The following MYO1D variants were observed in gnomAD, a reference collection of about 807,000 sequenced individuals.
The protein encoded by MYO1D is unconventional myosin-Id.
A neutral mutation model predicts 122.0 loss-of-function variants in MYO1D; 83 were observed. That is an observed-to-expected ratio of 0.68 (90% CI 0.57 to 0.82). MYO1D has a LOEUF of 0.82. MYO1D is among the 40% of genes least tolerant of loss of function. The probability of loss-of-function intolerance (pLI) is 0.00; values close to 1 mark genes in which losing one functional copy is unlikely to be tolerated. For missense variants in MYO1D, 1,157 were observed against 1,269.5 expected (o/e 0.91, Z 1.35); for synonymous variants, 464 against 446.9 (o/e 1.04, Z -0.48).
At chr17:32,582,835 A>G (rs2087354389) in intron 21 of MYO1D, among the ~76,000 whole-genome samples, 1 of 152,140 alleles carries the variant, frequency 6.6e-6, no homozygotes, top group Non-Finnish European at 1.5e-5. Flanking sequence ...TTAGGGCCAT[A>G]TATATTTAGG....
chr17:32,631,635 A>T (rs1330978796), intron 20 of MYO1D, among the ~76,000 whole-genome samples: 2 of 152,090 alleles, frequency 1.3e-5, no homozygotes, highest in Admixed American at 1.3e-4. Context: ...CAACAGAGCG[A>T]GAACCCGTCT....
intron 1 of MYO1D, among the ~76,000 whole-genome samples, chr17:32,822,313 G>C (rs993030895): frequency 4.2e-5 from 6 of 143,804 alleles, no homozygotes; most frequent in Non-Finnish European, 4.5e-5. Context: ...TCATAGGTGG[G>C]AATTGAACAA....
intron 20 of MYO1D, among the ~76,000 whole-genome samples, chr17:32,618,641 T>TC (rs982853547): frequency 1.9e-4 from 29 of 149,550 alleles, no homozygotes; most frequent in African/African-American, 6.8e-4. Context: ...AATTAATTCT[T>TC]TTTTTTTTTT....
chr17:32,790,569 C>T (rs763848648), intron 1 of MYO1D, among the ~76,000 whole-genome samples: 2 of 152,184 alleles, frequency 1.3e-5, no homozygotes, highest in Non-Finnish European at 2.9e-5. Flanking sequence ...ATCTTCAGAA[C>T]GATCTTCTCT....
chr17:32,585,711 C>G (rs2087380884), intron 21 of MYO1D, among the ~76,000 whole-genome samples: 1 of 141,840 alleles, frequency 7.1e-6, no homozygotes. Context: ...GCACTCCAGT[C>G]TGGGCAACAG....
At chr17:32,522,795 C>A (rs1047030081) in intron 21 of MYO1D, among the ~76,000 whole-genome samples, 1 of 133,752 alleles carries the variant, frequency 7.5e-6, no homozygotes, top group Non-Finnish European at 1.6e-5. Context: ...TGTCAGGCTC[C>A]TCAGTCTTAG....
intron 1 of MYO1D, among the ~76,000 whole-genome samples, chr17:32,800,855 G>A (rs924014167): frequency 3.9e-5 from 6 of 151,934 alleles, no homozygotes; most frequent in Non-Finnish European, 5.9e-5. Flanking sequence ...CTACAGGTGC[G>A]TGCCACAACA....
chr17:32,708,470 C>A (rs2089335860), intron 16 of MYO1D, among the ~76,000 whole-genome samples: 2 of 152,020 alleles, frequency 1.3e-5, no homozygotes, highest in Non-Finnish European at 2.9e-5. Context: ...AAATAAAAAT[C>A]AATTGTTGGA....
intron 19 of MYO1D, among the ~76,000 whole-genome samples, chr17:32,643,058 T>G (rs563960325): frequency 6.6e-6 from 1 of 152,304 alleles, no homozygotes; most frequent in African/African-American, 2.4e-5. Context: ...TGGCTGTGGT[T>G]TTGTCATAAA....
chr17:32,876,564 C>A (rs2091232975), intron 1 of MYO1D, among the ~76,000 whole-genome samples: 1 of 152,160 alleles, frequency 6.6e-6, no homozygotes, highest in African/African-American at 2.4e-5. Flanking sequence ...CTCGACACGC[C>A]CCCCGCACCC....
chr17:32,580,199 C>T (rs2087319107), intron 21 of MYO1D, among the ~76,000 whole-genome samples: 1 of 149,756 alleles, frequency 6.7e-6, no homozygotes. Flanking sequence ...CAGTCTTTCA[C>T]CATTAAATAT....
Position 32,755,600 on chromosome 17 carries a change from A to G in MYO1D, c.1359T>C (p.Ile453=), listed in dbSNP as rs967524636. 1.2e-5 allele frequency: 20 copies of G among 1,613,800 alleles called. No individual in the cohort carries two copies. Among genetic ancestry groups the G allele is most frequent in the Admixed American group, 5.0e-5 (3 of 59,998 alleles). The change falls in exon 11 of 22, where the codon ATT becomes ATC. Residue 453 remains isoleucine (I), a synonymous_variant. Coordinates refer to ENST00000318217, the MANE Select transcript of MYO1D (RefSeq NM_015194.3). ...TCATGCAAGCATCATCAAGGATTGC[A>G]ATGATCCCTTTGTGCTGTTGCTCCA... is the stretch of plus-strand genomic sequence containing the variant. ...DLVEQQHKGI[I]AILDDACMNV...
At chr17:32,577,802 G>A (rs1190102415) in intron 21 of MYO1D, among the ~76,000 whole-genome samples, 1 of 151,146 alleles carries the variant, frequency 6.6e-6, no homozygotes, top group African/African-American at 2.4e-5. Context: ...GCAGTGGCAC[G>A]ATCTCGGCTC....
chr17:32,598,993 T>C (rs1251291217), intron 21 of MYO1D, among the ~76,000 whole-genome samples: 1 of 152,236 alleles, frequency 6.6e-6, no homozygotes, highest in Non-Finnish European at 1.5e-5. Context: ...GGCTGCTTAC[T>C]GATCAGGGTG....
intron 21 of MYO1D, among the ~76,000 whole-genome samples, chr17:32,501,050 C>T (rs1909302002): frequency 6.6e-6 from 1 of 151,806 alleles, no homozygotes; most frequent in South Asian, 2.1e-4. Context: ...GTTGGCGGCT[C>T]CTCAGAAAGT....
rs2089502641 is a variant in MYO1D at position 32,720,963 on chromosome 17, G to A, written c.1913+60C>T. 4.6e-6 allele frequency: 7 copies of A among 1,522,504 alleles called. No individual in the cohort carries two copies. The South Asian group carries it at 7.6e-5, about 16-fold the overall frequency. The allele number at this position is 1,522,504 out of a possible 1,614,324, so 94.3% of individuals were successfully genotyped here. A position where few individuals can be genotyped will look rare whatever the true frequency, so the allele number is the denominator to read the frequency against. On this transcript the variant is annotated intron_variant, in intron 15 of 21. Coordinates refer to ENST00000318217, the MANE Select transcript of MYO1D (RefSeq NM_015194.3). ...GCCTAATATGTGCTGATGCACTATT[G>A]TACGGGGAGGACTCCCTTATTCTCA... is the stretch of plus-strand genomic sequence containing the variant.
chr17:32,844,001 A>G (rs558848492), intron 1 of MYO1D, among the ~76,000 whole-genome samples: 1 of 151,516 alleles, frequency 6.6e-6, no homozygotes, highest in East Asian at 1.9e-4. Flanking sequence ...ATATATACAC[A>G]TATACACACA....
intron 16 of MYO1D, among the ~76,000 whole-genome samples, chr17:32,683,509 G>A (rs74352055): frequency 1.4e-5 from 2 of 144,084 alleles, no homozygotes; most frequent in South Asian, 2.3e-4. Context: ...ATACCCTGCC[G>A]TGTGAGGTGT....
intron 1 of MYO1D, among the ~76,000 whole-genome samples, chr17:32,809,139 A>G (rs1381208532): frequency 6.6e-6 from 1 of 151,416 alleles, no homozygotes; most frequent in Non-Finnish European, 1.5e-5. Context: ...TTTGATAAAA[A>G]AAAAAAAAAA....
Sources: allele counts gnomAD v4.1 joint callset (sites outside exome capture counted in the v4.1 genomes callset), GRCh38; gene constraint gnomAD v4.1.1; transcripts MANE v1.5; gene names NCBI Gene and HGNC (gene_info 2026-07-23, HGNC 2026-07-21).